Variants in CD4 observed in about 807,000 individuals in gnomAD.
CD4 encodes CD4 molecule.
A neutral mutation model predicts 50.5 loss-of-function variants in CD4; 25 were observed. That is an observed-to-expected ratio of 0.49 (90% confidence interval 0.36 to 0.69). CD4 has a LOEUF of 0.69. Among genes scored for constraint, CD4 ranks in the 30% least tolerant of loss-of-function variants. The pLI, the probability that CD4 is intolerant of heterozygous loss-of-function variation, is 0.00. For missense variants in CD4, 456 were observed against 548.5 expected (o/e 0.83, Z 1.68); for synonymous variants, 207 against 221.9 (o/e 0.93, Z 0.60).
rs1223126363 is a variant in CD4, at chr12:6,792,098, G to T, written c.-68+2436G>T. Among the ~76,000 whole-genome samples the T allele has an allele frequency of 6.6e-6, 1 of 152,190 alleles. No individual in the cohort carries two copies. Among genetic ancestry groups the T allele is most frequent in the Non-Finnish European group, 1.5e-5 (1 of 68,038 alleles). ...TTAGAGGGGTCACAGTCTCTAGGAAGTTTATAGGAAGCTAGTCAGCAGTAG... is the reference window on the plus strand; with the variant it reads ...TTAGAGGGGTCACAGTCTCTAGGAATTTTATAGGAAGCTAGTCAGCAGTAG... On this transcript the variant is annotated intron_variant, in intron 1 of 9. Transcript: ENST00000011653. The surrounding 1 kb of genome is among the most constrained non-coding windows in gnomAD (Gnocchi z 4.1).
intron 1 of CD4, among the ~76,000 whole-genome samples, chr12:6,790,376 C>G (rs1267952834): frequency 2.6e-5 from 4 of 152,146 alleles, no homozygotes; most frequent in Admixed American, 6.5e-5. Context: ...TGAACAATGT[C>G]TAAAGGCACT....
intron 5 of CD4, 99 bp from the exon 6 acceptor site, chr12:6,815,957 G>A: frequency 6.4e-7 from 1 of 1,562,050 alleles, no homozygotes; most frequent in Non-Finnish European, 8.6e-7. Flanking sequence ...GACTCGTCGG[G>A]TCCCCTTCCA....
chr12:6,789,605 T>C lies in CD4; in HGVS notation c.-125T>C, dbSNP rs202198312. The C allele has an allele frequency of 6.6e-6, 1 of 152,228 alleles. No individual in the cohort carries two copies. Among genetic ancestry groups the C allele is most frequent in the Non-Finnish European group, 1.5e-5 (1 of 68,066 alleles). 9.4% of individuals were successfully genotyped at this position (152,228 alleles called of 1,614,324 possible). ...GGGCTCCTGGTTGCAGAGCTCCAAG[T>C]CCTCACACAGATACGCCTGTTTGAG... On this transcript the variant is annotated 5_prime_UTR_variant, in exon 1 of 10. Coordinates refer to ENST00000011653, the MANE Select transcript of CD4 (RefSeq NM_000616.5).
chr12:6,806,374 G>A (rs1445194541), intron 3 of CD4, among the ~76,000 whole-genome samples: 2 of 151,532 alleles, frequency 1.3e-5, no homozygotes, highest in East Asian at 1.9e-4. Flanking sequence ...TATTCCCAAC[G>A]ACACAGGAGG....
At chr12:6,813,220 A>ATT (rs58979580) in intron 3 of CD4, among the ~76,000 whole-genome samples, 54 of 135,950 alleles carry the variant, frequency 4.0e-4, no homozygotes, top group South Asian at 1.9e-3. Flanking sequence ...ATTAAAAAAA[A>ATT]TTTTTTTTTT....
Position 6,818,698 on chromosome 12 carries a change from A to C in CD4, c.1279-149A>C, listed in dbSNP as rs1943180257. 5 of 1,188,676 alleles carry C rather than the reference A, an allele frequency of 4.2e-6. No homozygotes were observed. Among genetic ancestry groups the C allele is most frequent in the Non-Finnish European group, 6.2e-6 (5 of 809,822 alleles). The allele number at this position is 1,188,676 out of a possible 1,614,324, so 73.6% of individuals were successfully genotyped here. On this transcript the variant is annotated intron_variant, in intron 8 of 9. Transcript: ENST00000011653. The surrounding 1 kb of genome is among the most constrained non-coding windows in gnomAD (Gnocchi z 5.0). ...CCCAGATCCCACTCAAGGGAGAGAC[A>C]GGAAGGAGCAGAGAGTTAATTCCAG...
chr12:6,795,160 A>C (rs797000571), intron 1 of CD4, among the ~76,000 whole-genome samples: 46 of 149,674 alleles, frequency 3.1e-4, no homozygotes, highest in African/African-American at 1.1e-3. Context: ...TGTCTAACCT[A>C]ATCTATTTTA....
intron 3 of CD4, among the ~76,000 whole-genome samples, chr12:6,805,874 C>T (rs1393059044): frequency 6.6e-6 from 1 of 151,730 alleles, no homozygotes; most frequent in African/African-American, 2.4e-5. Context: ...CCCAGGTGTT[C>T]ACGACTGCAG....
intron 5 of CD4, chr12:6,815,641 T>G: frequency 8.0e-6 from 8 of 1,001,054 alleles, no homozygotes; most frequent in Non-Finnish European, 1.1e-5. Context: ...CTACCTCGTA[T>G]TAAGTTGAGG....
In CD4 at chr12:6,798,346, A is replaced by AT. The variant is rs1321840788; in HGVS notation, c.-67-1719dup. On this transcript the variant is annotated intron_variant, in intron 1 of 9. Transcript: ENST00000011653. ...CACCACGCCCGGCTAATTTTTTTGT[A>AT]TTTTTTTAGTAGAGATGGGGTTTCA... 1.5e-5 allele frequency among the ~76,000 whole-genome samples: 2 copies of AT among 131,962 alleles called. 1 individual carries two copies. The allele number at this position is 131,962 out of a possible 152,430, so 86.6% of individuals were successfully genotyped here.
Position 6,814,249 on chromosome 12 carries a change from A to G in CD4, c.322A>G (p.Ile108Val). The change falls in exon 4 of 10, where the codon ATC (isoleucine) becomes GTC (valine). Residue 108 changes from isoleucine to valine, a missense_variant. Physicochemically the swap from Ile to Val is conservative, Grantham distance 29. Transcript: ENST00000011653. Reference sequence around the variant, plus strand: ...TAAGATAGAAGACTCAGATACTTACATCTGTGAAGTGGAGGACCAGAAGGA... The same window carrying G: ...TAAGATAGAAGACTCAGATACTTACGTCTGTGAAGTGGAGGACCAGAAGGA... ...NLKIEDSDTY[I>V]CEVEDQKEEV... 1.2e-6 allele frequency: 2 copies of G among 1,614,094 alleles called. No individual in the cohort carries two copies. The highest frequency in any genetic ancestry group is 1.7e-6 in the Non-Finnish European group (2 of 1,179,980).
rs1943082576 is a variant in CD4 at position 6,816,296 on chromosome 12, C to T, written c.848C>T (p.Thr283Ile). ...GGCAAGAAGCTCCCGCTCCACCTCA[C>T]CCTGCCCCAGGCCTTGCCTCAGTAT... ...QMGKKLPLHL[T>I]LPQALPQYAG... Residue 283 changes from threonine (T) to isoleucine (I), a missense_variant, in exon 6 of 10, where the codon ACC (threonine) becomes ATC (isoleucine). Transcript: ENST00000011653. This position sits in a 1 kb window ranked among gnomAD's most constrained non-coding sequence, Gnocchi z 4.9. 5 of 1,614,252 alleles carry T rather than the reference C, an allele frequency of 3.1e-6. No individual in the cohort carries two copies. The highest frequency in any genetic ancestry group is 4.2e-6 in the Non-Finnish European group (5 of 1,180,038).
intron 1 of CD4, 29 bp from the exon 2 acceptor site, chr12:6,800,043 T>C (rs200667219): frequency 9.1e-7 from 1 of 1,095,186 alleles, no homozygotes; most frequent in East Asian, 2.4e-5. Flanking sequence ...AGTAAATGTT[T>C]GCTGACTAAT....
rs1555118417 is a variant in CD4 at position 6,818,283 on chromosome 12, G to C, written c.1157-138G>C. On this transcript the variant is annotated intron_variant, in intron 7 of 9. Transcript: ENST00000011653. This position sits in a 1 kb window ranked among gnomAD's most constrained non-coding sequence, Gnocchi z 5.0. The stretch of plus-strand genomic sequence containing the variant: ...ATTCCCCAGCACTGGCGGCCTTTGA[G>C]AGCCCCCAGGCACCCCTCCCCTCTC... The C allele has an allele frequency of 3.8e-6, 4 of 1,058,432 alleles. No individual in the cohort carries two copies. In the African/African-American group the frequency reaches 4.8e-5, roughly 13 times the overall value. 65.6% of individuals were successfully genotyped at this position (1,058,432 alleles called of 1,614,324 possible).
intron 1 of CD4, among the ~76,000 whole-genome samples, chr12:6,793,377 G>T (rs1171191984): frequency 6.6e-6 from 1 of 152,130 alleles, no homozygotes; most frequent in Admixed American, 6.5e-5. Context: ...AAGGGATATC[G>T]TTTATGGAGA....
intron 3 of CD4, among the ~76,000 whole-genome samples, chr12:6,808,823 G>T (rs941455170): frequency 6.6e-6 from 1 of 152,128 alleles, no homozygotes; most frequent in African/African-American, 2.4e-5. Flanking sequence ...TAAAGTTCCA[G>T]AAATGAAATT....
rs1312201260 is a variant in CD4, at chr12:6,792,993, T to A, written c.-68+3331T>A. Reference sequence around the variant, plus strand: ...AGAGACAGAAAGAGAGAGAGAGACGTGCCAGGGCTTGAGGGACCAGAGAGC... The same window carrying A: ...AGAGACAGAAAGAGAGAGAGAGACGAGCCAGGGCTTGAGGGACCAGAGAGC... On this transcript the variant is annotated intron_variant, in intron 1 of 9. Coordinates refer to ENST00000011653, the MANE Select transcript of CD4 (RefSeq NM_000616.5). The surrounding 1 kb of genome is among the most constrained non-coding windows in gnomAD (Gnocchi z 4.1). Among the ~76,000 whole-genome samples, 1 of 151,668 alleles carries A rather than the reference T, an allele frequency of 6.6e-6. No homozygotes were observed. Among genetic ancestry groups the A allele is most frequent in the Non-Finnish European group, 1.5e-5 (1 of 67,898 alleles).
intron 3 of CD4, among the ~76,000 whole-genome samples, chr12:6,802,782 G>A (rs1383039963): frequency 6.6e-6 from 1 of 152,004 alleles, no homozygotes; most frequent in Non-Finnish European, 1.5e-5. Flanking sequence ...TGTCACCTAG[G>A]CTGGAGTGCA....
intron 4 of CD4, 96 bp downstream of exon 4, chr12:6,814,396 C>A: frequency 7.7e-7 from 1 of 1,301,708 alleles, no homozygotes; most frequent in Non-Finnish European, 1.1e-6. Flanking sequence ...CTGGTGATAC[C>A]GCAGCAGCCC....
Sources: allele counts gnomAD v4.1 joint callset (sites outside exome capture counted in the v4.1 genomes callset), GRCh38; gene constraint gnomAD v4.1.1; non-coding constraint Gnocchi (gnomAD v3.1); transcripts MANE v1.5; gene names NCBI Gene and HGNC (gene_info 2026-07-23, HGNC 2026-07-21).